The following CYP27A1 variants were observed in gnomAD, a reference collection of about 807,000 sequenced individuals.
CYP27A1 encodes sterol 26-hydroxylase, mitochondrial.
In CYP27A1, 46 loss-of-function variants were observed where a neutral mutation model predicts 58.2. The observed-to-expected ratio is 0.79, with a 90% confidence interval of 0.62 to 1.01. CYP27A1 has a LOEUF of 1.01. Ranked by LOEUF, CYP27A1 falls within the 50% of genes least tolerant of loss-of-function variation. The probability of loss-of-function intolerance (pLI) is 0.00; values close to 1 mark genes in which losing one functional copy is unlikely to be tolerated. For missense variants in CYP27A1, 704 were observed against 687.0 expected, an observed-to-expected ratio of 1.02 and a Z score of -0.28; for synonymous variants, 274 against 285.1, an observed-to-expected ratio of 0.96 and a Z score of 0.39.
chr2:218,788,571 A>G (rs1295013554), intron 1 of CYP27A1, among the ~76,000 whole-genome samples: 2 of 152,182 alleles, frequency 1.3e-5, no homozygotes, highest in African/African-American at 2.4e-5. Context: ...TATTAACTAC[A>G]TTACTGAACA....
intron 1 of CYP27A1, among the ~76,000 whole-genome samples, chr2:218,784,409 A>G (rs551160342): frequency 6.6e-6 from 1 of 152,284 alleles, no homozygotes; most frequent in East Asian, 1.9e-4. Context: ...TTGTTTTGAA[A>G]ATGTTGTAAA....
At position 218,814,698 on chromosome 2, in the gene CYP27A1, G is replaced by A; in HGVS notation, c.1417G>A (p.Val473Ile). 1 of 1,614,204 alleles carries A rather than the reference G, an allele frequency of 6.2e-7. No homozygotes were observed. Among genetic ancestry groups the A allele is most frequent in the Non-Finnish European group, 8.5e-7 (1 of 1,180,038 alleles). The change falls in exon 8 of 9, where the codon GTC becomes ATC. Residue 473 changes from valine (V) to isoleucine (I), a missense_variant. Coordinates refer to ENST00000258415, the MANE Select transcript of CYP27A1 (RefSeq NM_000784.4). ...PFGSVPFGYG[V>I]RACLGRRIAE... ...TGGCTCTGTGCCCTTTGGCTATGGG[G>A]TCCGGGCCTGCCTGGGCCGCAGGAT...
chr2:218,782,316 G>T lies in CYP27A1; in HGVS notation c.134G>T (p.Gly45Val). The change falls in exon 1 of 9, where the codon GGA becomes GTA. Residue 45 changes from glycine to valine, a missense_variant. Physicochemically the swap from Gly to Val is moderately radical, Grantham distance 109. Coordinates refer to ENST00000258415, the MANE Select transcript of CYP27A1 (RefSeq NM_000784.4). This position sits in a 1 kb window ranked among gnomAD's most constrained non-coding sequence, Gnocchi z 4.1. ...TCGGACAAGGCCACCGGAGCTCCCG[G>T]AGCCGGGCCTGGTGTCCGGCGGCGG... ...LPSDKATGAP[G>V]AGPGVRRRQR... The T allele has an allele frequency of 6.2e-7, 1 of 1,611,370 alleles. No homozygotes were observed. The highest frequency in any genetic ancestry group is 8.5e-7 in the Non-Finnish European group (1 of 1,178,758).
rs1943398374 is a variant in CYP27A1 at position 218,782,241 on chromosome 2, T to C, written c.59T>C (p.Leu20Pro). ...GCGCTGCGAGGGGCCGGCCGTGGCC[T>C]CTGCCCCCACGGGGCCAGAGCCAAG... ...RWALRGAGRG[L>P]CPHGARAKAA... The change falls in exon 1 of 9, where the codon CTC (leucine) becomes CCC (proline). Residue 20 changes from leucine (L) to proline (P), a missense_variant. By Grantham distance (98) the Leu-to-Pro change is moderately conservative (BLOSUM62 -3). Coordinates refer to ENST00000258415, the MANE Select transcript of CYP27A1 (RefSeq NM_000784.4). This position sits in a 1 kb window ranked among gnomAD's most constrained non-coding sequence, Gnocchi z 4.1. The C allele has an allele frequency of 6.5e-7, 1 of 1,548,504 alleles. No homozygotes were observed. The highest frequency in any genetic ancestry group is 1.2e-5 in the South Asian group (1 of 84,640).
In CYP27A1 at chr2:218,814,948, CG is replaced by C. The variant is rs2105981467; in HGVS notation, c.1519del (p.Glu507SerfsTer2). On this transcript the variant is annotated frameshift_variant, in exon 9 of 9. Coordinates refer to ENST00000258415, the MANE Select transcript of CYP27A1 (RefSeq NM_000784.4). LOFTEE classifies it high-confidence loss of function. ...TACAAGGTGGTCCTGGCCCCGGAGA[CG>C]GGGGAGTTGAAGAGTGTGGCCCGCA... Reference protein sequence around the residue: ...QKYKVVLAPETGELKSVARIV... With the variant: ...QKYKVVLAPEXGELKSVARIV... The C allele has an allele frequency of 6.2e-7, 1 of 1,614,222 alleles. No individual in the cohort carries two copies. The highest frequency in any genetic ancestry group is 8.5e-7 in the Non-Finnish European group (1 of 1,180,026).
chr2:218,801,995 T>TTTAA (rs397688567), intron 1 of CYP27A1, among the ~76,000 whole-genome samples: 1 of 149,136 alleles, frequency 6.7e-6, no homozygotes, highest in African/African-American at 2.5e-5. Context: ...TTTTTTTTTT[T>TTTAA]AATTCCTATT....
intron 2 of CYP27A1, among the ~76,000 whole-genome samples, chr2:218,810,506 T>A (rs1943701464): frequency 6.6e-6 from 1 of 152,216 alleles, no homozygotes; most frequent in African/African-American, 2.4e-5. Flanking sequence ...CTTTTGTGAA[T>A]CTTTGAGTCA....
At chr2:218,807,255 G>C (rs779901312) in intron 1 of CYP27A1, among the ~76,000 whole-genome samples, 1 of 151,830 alleles carries the variant, frequency 6.6e-6, no homozygotes, top group African/African-American at 2.4e-5. Context: ...CACTGTGCCC[G>C]GCCCTCCTAG....
rs682417 is a variant in CYP27A1, at chr2:218,799,316, T to C, written c.256-10261T>C. Among the ~76,000 whole-genome samples the C allele has an allele frequency of 8.3e-3, 1,262 of 152,218 alleles. 15 individuals are homozygous for C. The highest frequency in any genetic ancestry group is 0.029 in the African/African-American group (1,198 of 41,500). ...CCTTGCTGTGATAAGGAAACCCCAA[T>C]TACAAACCATCCAGACGGCACAGGG... On this transcript the variant is annotated intron_variant, in intron 1 of 8. Coordinates refer to ENST00000258415, the MANE Select transcript of CYP27A1 (RefSeq NM_000784.4).
In CYP27A1 at chr2:218,814,920, A is replaced by G. The variant is rs1338430430; in HGVS notation, c.1486A>G (p.Lys496Glu). ...GCTCTTTACCCCCCAGCTGATCCAG[A>G]AGTACAAGGTGGTCCTGGCCCCGGA... ...MQLLLARLIQ[K>E]YKVVLAPETG... Residue 496 changes from lysine (K) to glutamate (E), a missense_variant, in exon 9 of 9, where the codon AAG becomes GAG. Lys to Glu is a moderately conservative substitution (Grantham distance 56). Transcript: ENST00000258415. The G allele has an allele frequency of 1.2e-6, 2 of 1,614,216 alleles. 1 individual carries two copies. Among genetic ancestry groups the G allele is most frequent in the Non-Finnish European group, 1.7e-6 (2 of 1,180,034 alleles).
chr2:218,798,152 A>C (rs891759466), intron 1 of CYP27A1, among the ~76,000 whole-genome samples: 3 of 151,590 alleles, frequency 2.0e-5, no homozygotes, highest in South Asian at 2.1e-4. Flanking sequence ...ACAGGCATGC[A>C]CCACCACACT....
intron 1 of CYP27A1, among the ~76,000 whole-genome samples, chr2:218,799,227 C>T (rs1943576593): frequency 6.6e-6 from 1 of 152,192 alleles, no homozygotes; most frequent in Non-Finnish European, 1.5e-5. Flanking sequence ...TCCCCCAAGC[C>T]TCTTTATGTT....
intron 1 of CYP27A1, among the ~76,000 whole-genome samples, chr2:218,786,224 A>AGCCCACGATAGTGGCCAGGTGGAGATAG (rs1943439041): frequency 6.6e-6 from 1 of 152,206 alleles, no homozygotes; most frequent in African/African-American, 2.4e-5. Context: ...CCTATCCATG[A>AGCCCACGATAGTGGCCAGGTGGAGATAG]GCCCACGATA....
At chr2:218,800,320 G>T (rs941082037) in intron 1 of CYP27A1, among the ~76,000 whole-genome samples, 2 of 152,030 alleles carry the variant, frequency 1.3e-5, no homozygotes, top group African/African-American at 4.8e-5. Context: ...TATATGGAAG[G>T]TCTTAACGGT....
intron 1 of CYP27A1, among the ~76,000 whole-genome samples, chr2:218,785,400 G>A (rs1052335307): frequency 6.6e-6 from 1 of 152,032 alleles, no homozygotes; most frequent in Non-Finnish European, 1.5e-5. Flanking sequence ...CTGTGGCCCC[G>A]TTGTTGGGGA....
intron 1 of CYP27A1, among the ~76,000 whole-genome samples, chr2:218,786,557 T>C (rs1185829271): frequency 6.6e-6 from 1 of 152,200 alleles, no homozygotes; most frequent in East Asian, 1.9e-4. Flanking sequence ...AAAATTACAT[T>C]GAATGCTGGA....
At chr2:218,812,099 T>C (rs1172882347) in intron 2 of CYP27A1, 123 bp from the exon 3 acceptor site, 1 of 739,718 alleles carries the variant, frequency 1.4e-6, no homozygotes, top group Non-Finnish European at 2.4e-6. Context: ...TTCTAAATTC[T>C]AGGAGTATGG....
In CYP27A1 at chr2:218,782,372, G is replaced by A; in HGVS notation, c.190G>A (p.Gly64Arg). The change falls in exon 1 of 9, where the codon GGA (glycine) becomes AGA (arginine). Residue 64 changes from glycine (G) to arginine (R), a missense_variant. Coordinates refer to ENST00000258415, the MANE Select transcript of CYP27A1 (RefSeq NM_000784.4). The surrounding 1 kb of genome is among the most constrained non-coding windows in gnomAD (Gnocchi z 4.1). Reference sequence around the variant, plus strand: ...GAGCTTAGAGGAGATTCCACGTCTAGGACAGCTGCGCTTCTTCTTTCAGCT... The same window carrying A: ...GAGCTTAGAGGAGATTCCACGTCTAAGACAGCTGCGCTTCTTCTTTCAGCT... The part of the protein sequence containing the change: ...QRSLEEIPRL[G>R]QLRFFFQLFV... 1.2e-6 allele frequency: 2 copies of A among 1,614,222 alleles called. No homozygotes were observed. Among genetic ancestry groups the A allele is most frequent in the Non-Finnish European group, 1.7e-6 (2 of 1,180,006 alleles).
intron 1 of CYP27A1, among the ~76,000 whole-genome samples, chr2:218,800,678 A>G (rs1046538915): frequency 2.0e-5 from 3 of 152,168 alleles, no homozygotes; most frequent in African/African-American, 7.2e-5. Flanking sequence ...CATAATCCCA[A>G]CACCCATCAC....
Sources: allele counts gnomAD v4.1 joint callset (sites outside exome capture counted in the v4.1 genomes callset), GRCh38; gene constraint gnomAD v4.1.1; non-coding constraint Gnocchi (gnomAD v3.1); transcripts MANE v1.5; gene names NCBI Gene and HGNC (gene_info 2026-07-23, HGNC 2026-07-21).